CALN1: variants seen among roughly 807,000 people sequenced by gnomAD.
The protein encoded by CALN1 is calneuron 1, also known as calcium-binding protein 8.
In CALN1, 17 loss-of-function variants were observed where a neutral mutation model predicts 30.6. The observed-to-expected ratio is 0.56, with a 90% CI of 0.38 to 0.83. The LOEUF (loss-of-function observed/expected upper bound fraction) is 0.83. CALN1 is among the 40% of genes least tolerant of loss of function. CALN1 has a pLI of 0.00. For synonymous variants in CALN1, 156 were observed against 131.4 expected, an observed-to-expected ratio of 1.19 and a Z score of -1.28; for missense variants, 291 against 354.9, an observed-to-expected ratio of 0.82 and a Z score of 1.45.
At chr7:72,048,624 G>C (rs181294517) in intron 4 of CALN1, among the ~76,000 whole-genome samples, 2 of 152,124 alleles carry the variant, frequency 1.3e-5, no homozygotes, top group South Asian at 2.1e-4. Flanking sequence ...GTAAATATAA[G>C]TGCTTTCTGA....
At chr7:72,319,086 T>A (rs1241762799) in intron 2 of CALN1, among the ~76,000 whole-genome samples, 2 of 152,192 alleles carry the variant, frequency 1.3e-5, no homozygotes, top group Non-Finnish European at 2.9e-5. Flanking sequence ...TGCACCCATA[T>A]GTTTATCCAA....
rs139284735 is a variant in CALN1 at position 71,808,903 on chromosome 7, G to A, written c.658+1433C>T. The stretch of plus-strand genomic sequence containing the variant: ...TCAAGTTTCAGTTCTCAATCCCTTC[G>A]CTCCTCACCCCTCCTCACCCTCGCA... On this transcript the variant is annotated intron_variant, in intron 6 of 6. Transcript: ENST00000395275. 2.2e-3 allele frequency among the ~76,000 whole-genome samples: 331 copies of A among 152,060 alleles called. 2 individuals carry two copies. Among genetic ancestry groups the A allele is most frequent in the African/African-American group, 7.5e-3 (311 of 41,496 alleles).
At chr7:72,304,266 A>C (rs1464568445) in intron 2 of CALN1, among the ~76,000 whole-genome samples, 1 of 152,242 alleles carries the variant, frequency 6.6e-6, no homozygotes, top group African/African-American at 2.4e-5. Flanking sequence ...GGGAAAGGGG[A>C]AAGACTCCAC....
At chr7:71,847,841 GAGAAGGAGAAGA>G (rs1790403509) in intron 5 of CALN1, among the ~76,000 whole-genome samples, 1 of 87,236 alleles carries the variant, frequency 1.1e-5, no homozygotes, top group Non-Finnish European at 2.0e-5. Flanking sequence ...GAAGGAGAAG[GAGAAGGAGAAGA>G]AGAAGAGGAA....
intron 3 of CALN1, among the ~76,000 whole-genome samples, chr7:72,142,244 G>A (rs534695116): frequency 1.6e-3 from 236 of 152,246 alleles, no homozygotes; most frequent in Non-Finnish European, 2.8e-3. Context: ...AGGGACAAAT[G>A]GCACCTGGAA....
At position 71,783,198 on chromosome 7, in the gene CALN1, T is replaced by G. The variant is rs1011446545; in HGVS notation, c.*4577A>C. 1 of 152,090 alleles carries G rather than the reference T, an allele frequency of 6.6e-6. No homozygotes were observed. Among genetic ancestry groups the G allele is most frequent in the Non-Finnish European group, 1.5e-5 (1 of 68,034 alleles). The allele number at this position is 152,090 out of a possible 1,614,324, so 9.4% of individuals were successfully genotyped here. ...ACTGAAGAGGCCAATGAGAATGTTCTGATTTGAGGTCTTTTAAGACAGATG... is the reference window on the plus strand; with the variant it reads ...ACTGAAGAGGCCAATGAGAATGTTCGGATTTGAGGTCTTTTAAGACAGATG... On this transcript the variant is annotated 3_prime_UTR_variant, in exon 7 of 7. Transcript: ENST00000395275.
intron 5 of CALN1, among the ~76,000 whole-genome samples, chr7:71,986,802 C>T (rs1208210275): frequency 6.6e-6 from 1 of 152,164 alleles, no homozygotes; most frequent in Non-Finnish European, 1.5e-5. Context: ...TTGCTCTGTA[C>T]TTTGTTGTAG....
intron 3 of CALN1, among the ~76,000 whole-genome samples, chr7:72,239,100 C>T (rs1794671183): frequency 6.6e-6 from 1 of 152,110 alleles, no homozygotes; most frequent in African/African-American, 2.4e-5. Flanking sequence ...GCTTTCTATT[C>T]AAATATTCTG....
chr7:72,240,304 C>G (rs1296882257), intron 3 of CALN1, among the ~76,000 whole-genome samples: 1 of 152,030 alleles, frequency 6.6e-6, no homozygotes, highest in Non-Finnish European at 1.5e-5. Context: ...AAGCTATCCT[C>G]CCACCTCAGC....
the CALN1 span, among the ~76,000 whole-genome samples, chr7:72,485,396 A>G: frequency 3.3e-5 from 5 of 152,350 alleles, no homozygotes; most frequent in African/African-American, 1.2e-4. Context: ...CTGTCTCTAC[A>G]AAAGAAATTT....
chr7:72,281,603 T>A (rs1797736049), intron 2 of CALN1, among the ~76,000 whole-genome samples: 1 of 152,214 alleles, frequency 6.6e-6, no homozygotes, highest in African/African-American at 2.4e-5. Context: ...GTTTAAGTCT[T>A]CACAAGCATG....
intron 4 of CALN1, among the ~76,000 whole-genome samples, chr7:72,062,268 A>C (rs1803706405): frequency 1.3e-5 from 2 of 152,214 alleles, no homozygotes; most frequent in South Asian, 4.1e-4. Flanking sequence ...TGATCCCAGC[A>C]CTTTGGCCAA....
chr7:72,228,774 TTTA>T (rs892586491), intron 3 of CALN1, among the ~76,000 whole-genome samples: 4 of 115,936 alleles, frequency 3.5e-5, no homozygotes, highest in Non-Finnish European at 7.1e-5. Context: ...TATTTATTTA[TTTA>T]TTGAGACAAG....
At chr7:71,888,073 G>A (rs888363791) in intron 5 of CALN1, among the ~76,000 whole-genome samples, 2 of 152,092 alleles carry the variant, frequency 1.3e-5, no homozygotes, top group African/African-American at 2.4e-5. Context: ...AGGATCATAG[G>A]GAAGTCTGGG....
rs1288640179 is a variant in CALN1, at chr7:71,780,228, C to T, written c.*7547G>A. 1 of 152,184 alleles carries T rather than the reference C, an allele frequency of 6.6e-6. No homozygotes were observed. Among genetic ancestry groups the T allele is most frequent in the Non-Finnish European group, 1.5e-5 (1 of 68,036 alleles). The allele number at this position is 152,184 out of a possible 1,614,324, so 9.4% of individuals were successfully genotyped here. On this transcript the variant is annotated 3_prime_UTR_variant, in exon 7 of 7. Coordinates refer to ENST00000395275, the MANE Select transcript of CALN1 (RefSeq NM_031468.4). ...TTTGAGCTAAGAAAGAGAAAATATGCTTTAATTTTCCTTGGAGAGAGTTGA... is the reference window on the plus strand; with the variant it reads ...TTTGAGCTAAGAAAGAGAAAATATGTTTTAATTTTCCTTGGAGAGAGTTGA...
chr7:72,320,834 CAAAAAA>C (rs56192893), intron 2 of CALN1, among the ~76,000 whole-genome samples: 1 of 67,150 alleles, frequency 1.5e-5, no homozygotes. Flanking sequence ...GACTCCATCT[CAAAAAA>C]AAAAAAAAAA....
At chr7:72,160,658 T>C (rs955931423) in intron 3 of CALN1, among the ~76,000 whole-genome samples, 9 of 152,210 alleles carry the variant, frequency 5.9e-5, no homozygotes, top group African/African-American at 1.9e-4. Context: ...TGTGGATCCA[T>C]TGCAACCCTG....
chr7:71,952,671 C>T (rs1453822763), intron 5 of CALN1, among the ~76,000 whole-genome samples: 1 of 103,204 alleles, frequency 9.7e-6, no homozygotes, highest in African/African-American at 3.7e-5. Flanking sequence ...CAACTCATTC[C>T]TGGACTATTA....
chr7:72,466,610 G>A, the CALN1 span, among the ~76,000 whole-genome samples: 2 of 152,072 alleles, frequency 1.3e-5, no homozygotes, highest in African/African-American at 2.4e-5. Flanking sequence ...CGGAGTGGTG[G>A]TGGGCACTTG....
Sources: allele counts gnomAD v4.1 joint callset (sites outside exome capture counted in the v4.1 genomes callset), GRCh38; gene constraint gnomAD v4.1.1; transcripts MANE v1.5; gene names NCBI Gene and HGNC (gene_info 2026-07-23, HGNC 2026-07-21).